ALOXE3: variants seen among roughly 807,000 people sequenced by gnomAD.
The protein encoded by ALOXE3 is hydroperoxide isomerase ALOXE3.
Under a neutral mutation model 87.5 loss-of-function variants are expected in ALOXE3, and 78 were observed. The observed-to-expected ratio is 0.89, with a 90% CI of 0.74 to 1.08. ALOXE3 has a LOEUF of 1.08. Ranked by LOEUF, ALOXE3 falls within the 50% of genes least tolerant of loss-of-function variation. The probability of loss-of-function intolerance (pLI) is 0.00; values close to 1 mark genes in which losing one functional copy is unlikely to be tolerated. For synonymous variants in ALOXE3, 363 were observed against 370.8 expected, an observed-to-expected ratio of 0.98 and a Z score of 0.24; for missense variants, 946 against 912.4, an observed-to-expected ratio of 1.04 and a Z score of -0.47.
At position 8,098,234 on chromosome 17, in the gene ALOXE3, G is replaced by GTTTTT. The variant is rs71159546; in HGVS notation, c.1957-1433_1957-1429dup. On this transcript the variant is annotated intron_variant, in intron 15 of 15. Transcript: ENST00000448843. ...TTTTTGAAATATACTTTTGGTTTTT[G>GTTTTT]TTTTTTTTTTTTTTTTTTTTTTGAG... 9.1e-3 allele frequency among the ~76,000 whole-genome samples: 800 copies of GTTTTT among 87,436 alleles called. 39 individuals are homozygous for GTTTTT. The highest frequency in any genetic ancestry group is 0.021 in the East Asian group (54 of 2,596). The allele number at this position is 87,436 out of a possible 152,430, so 57.4% of individuals were successfully genotyped here.
At chr17:8,113,383 TGGCTCAC>T (rs1368892937) in intron 6 of ALOXE3, among the ~76,000 whole-genome samples, 2 of 152,232 alleles carry the variant, frequency 1.3e-5, no homozygotes, top group African/African-American at 4.8e-5. Flanking sequence ...CCAGATGCGG[TGGCTCAC>T]GCCTATAATC....
In ALOXE3 at chr17:8,111,437, C is replaced by T. The variant is rs1980077819; in HGVS notation, c.879G>A (p.Leu293=). 6.2e-7 allele frequency: 1 copy of T among 1,614,032 alleles called. No homozygotes were observed. Among genetic ancestry groups the T allele is most frequent in the African/African-American group, 1.3e-5 (1 of 74,934 alleles). The part of the protein sequence containing the change: ...NPVMLHCISS[L]PSKLPVTNDM... ...CATTGGTGACAGGCAGCTTGCTGGG[C>T]AAGCTAGAGATGCAGTGGAGCATGA... Residue 293 remains leucine (L), a synonymous_variant, in exon 8 of 16, where the codon TTG becomes TTA. Transcript: ENST00000448843.
Position 8,110,446 on chromosome 17 carries a change from G to T in ALOXE3, c.1040C>A (p.Ala347Asp). The T allele has an allele frequency of 6.2e-7, 1 of 1,613,248 alleles. No homozygotes were observed. The highest frequency in any genetic ancestry group is 8.5e-7 in the Non-Finnish European group (1 of 1,179,608). Residue 347 changes from alanine (A) to aspartate (D), a missense_variant, in exon 9 of 16, where the codon GCC (alanine) becomes GAC (aspartate). By Grantham distance (126) the Ala-to-Asp change is moderately radical. Coordinates refer to ENST00000448843, the MANE Select transcript of ALOXE3 (RefSeq NM_021628.3). ...GAGCCACAGCAGGCACAGTGGGGCG[G>T]CCACGTACTGCTGGCGGCCGTTTAG... The part of the protein sequence containing the change: ...HCLNGRQQYV[A>D]APLCLLWLSP...
At position 8,096,106 on chromosome 17, in the gene ALOXE3, C is replaced by T. The variant is rs748384249; in HGVS notation, c.*521G>A. 2.6e-4 allele frequency: 40 copies of T among 155,002 alleles called. No individual in the cohort carries two copies. Among genetic ancestry groups the T allele is most frequent in the Non-Finnish European group, 5.4e-4 (38 of 69,914 alleles). 9.6% of individuals were successfully genotyped at this position (155,002 alleles called of 1,614,324 possible). ...AAGCTGCCCTCCAATTCTTCCCCTC[C>T]CCTTAAAGGTGCTAGGGACAAAGGG... is the stretch of plus-strand genomic sequence containing the variant. On this transcript the variant is annotated 3_prime_UTR_variant, in exon 16 of 16. Transcript: ENST00000448843.
At chr17:8,106,896 T>C (rs901040475) in intron 13 of ALOXE3, among the ~76,000 whole-genome samples, 6 of 152,098 alleles carry the variant, frequency 3.9e-5, no homozygotes, top group African/African-American at 1.5e-4. Flanking sequence ...TAAAGTAAGA[T>C]AGGAGAGTTG....
At chr17:8,112,264 C>T in intron 6 of ALOXE3, 68 bp from the exon 7 acceptor site, 2 of 1,188,414 alleles carry the variant, frequency 1.7e-6, no homozygotes, top group Admixed American at 3.4e-5. Flanking sequence ...ACTGTGTGCC[C>T]CTCTGCCTGG....
chr17:8,118,676 C>T, upstream of ALOXE3: 2 of 1,537,334 alleles, frequency 1.3e-6, no homozygotes, highest in Non-Finnish European at 1.7e-6. Flanking sequence ...TCTTTGTCCC[C>T]AGCCTTTGGC....
At chr17:8,112,062 G>C in intron 7 of ALOXE3, 31 bp downstream of exon 7, 1 of 1,571,228 alleles carries the variant, frequency 6.4e-7, no homozygotes. Context: ...ATAAGGTGAG[G>C]GGTAGACATC....
chr17:8,108,655 G>A lies in ALOXE3; in HGVS notation c.1563-66C>T, dbSNP rs1041470015. 3.5e-5 allele frequency: 55 copies of A among 1,586,716 alleles called. No individual in the cohort carries two copies. In the South Asian group the frequency reaches 5.8e-4, roughly 17 times the overall value. ...GCTCAGTCCTGGCCAGGAAACCGAG[G>A]CCCACTGCTGCTCAGGCGGCAGAGA... On this transcript the variant is annotated intron_variant, in intron 12 of 15. Coordinates refer to ENST00000448843, the MANE Select transcript of ALOXE3 (RefSeq NM_021628.3).
chr17:8,111,979 A>T, intron 7 of ALOXE3, 114 bp downstream of exon 7: 1 of 984,760 alleles, frequency 1.0e-6, no homozygotes, highest in Non-Finnish European at 1.6e-6. Flanking sequence ...TCCCACTCAA[A>T]TCCAGCAGTC....
intron 13 of ALOXE3, among the ~76,000 whole-genome samples, chr17:8,105,459 C>G (rs1979228817): frequency 6.6e-6 from 1 of 152,178 alleles, no homozygotes; most frequent in South Asian, 2.1e-4. Flanking sequence ...CAGTTTTCCT[C>G]TTAGCATTCA....
chr17:8,096,071 G>C lies in ALOXE3; in HGVS notation c.*556C>G, dbSNP rs1978524615. The C allele has an allele frequency of 6.5e-6, 1 of 154,338 alleles. No individual in the cohort carries two copies. Among genetic ancestry groups the C allele is most frequent in the Non-Finnish European group, 1.4e-5 (1 of 69,514 alleles). 9.6% of individuals were successfully genotyped at this position (154,338 alleles called of 1,614,324 possible). A position where few individuals can be genotyped will look rare whatever the true frequency, so the allele number is the denominator to read the frequency against. ...ACCTGTTCCTGAGAACAGCCGTTAG[G>C]GGTCCAGGCAAGCTGCCCTCCAATT... On this transcript the variant is annotated 3_prime_UTR_variant, in exon 16 of 16. Coordinates refer to ENST00000448843, the MANE Select transcript of ALOXE3 (RefSeq NM_021628.3).
chr17:8,111,375 A>G lies in ALOXE3; in HGVS notation c.941T>C (p.Leu314Pro). Reference protein sequence around the residue: ...VAPLLGQDTCLQTELERGNIF... With the variant: ...VAPLLGQDTCPQTELERGNIF... ...CTTACCCACCTCTAGCTCTGTCTGC[A>G]GGCATGTGTCCTGTCCCAGCAAGGG... Residue 314 changes from leucine to proline, a missense_variant, in exon 8 of 16, where the codon CTG becomes CCG. Leu to Pro is a moderately conservative substitution (Grantham distance 98). Coordinates refer to ENST00000448843, the MANE Select transcript of ALOXE3 (RefSeq NM_021628.3). 6.2e-7 allele frequency: 1 copy of G among 1,613,404 alleles called. No individual in the cohort carries two copies. The highest frequency in any genetic ancestry group is 8.5e-7 in the Non-Finnish European group (1 of 1,180,018).
chr17:8,100,103 G>A (rs1385961756), intron 15 of ALOXE3, among the ~76,000 whole-genome samples: 1 of 137,450 alleles, frequency 7.3e-6, no homozygotes, highest in East Asian at 2.5e-4. Flanking sequence ...TCAAAAGAGA[G>A]AAAGAGAGAG....
chr17:8,101,219 G>C (rs1424498436), intron 15 of ALOXE3, among the ~76,000 whole-genome samples: 1 of 151,948 alleles, frequency 6.6e-6, no homozygotes, highest in Non-Finnish European at 1.5e-5. Context: ...TAGAGATGGG[G>C]GTTTCACCAT....
intron 5 of ALOXE3, 32 bp from the exon 6 acceptor site, chr17:8,114,641 C>A (rs751123844): frequency 1.9e-6 from 3 of 1,613,288 alleles, no homozygotes; most frequent in African/African-American, 1.3e-5. Flanking sequence ...AGACAGAAAC[C>A]AGTCAGTGGG....
At position 8,116,992 on chromosome 17, in the gene ALOXE3, A is replaced by C. The variant is rs745612077; in HGVS notation, c.148-12T>G. On this transcript the variant is annotated splice_polypyrimidine_tract_variant and intron_variant, in intron 2 of 15. Coordinates refer to ENST00000448843, the MANE Select transcript of ALOXE3 (RefSeq NM_021628.3). The stretch of plus-strand genomic sequence containing the variant: ...TTGTACTTCTGTACCTGAGGGGACC[A>C]AGACAGCAAGCAGGTGAGAGGCGGG... 149 of 1,612,138 alleles carry C rather than the reference A, an allele frequency of 9.2e-5. 1 individual carries two copies. The Admixed American group carries it at 2.3e-3, about 25-fold the overall frequency.
At position 8,103,474 on chromosome 17, in the gene ALOXE3, A is replaced by C; in HGVS notation, c.1805T>G (p.Met602Arg). The change falls in exon 15 of 16, where the codon ATG (methionine) becomes AGG (arginine). Residue 602 changes from methionine (M) to arginine (R), a missense_variant. Met to Arg is a moderately conservative substitution (Grantham distance 91, BLOSUM62 -1). Transcript: ENST00000448843. ...NSGQHDFGAW[M>R]PNAPSSMRQP... ...CCTCATGGATGATGGAGCATTGGGC[A>C]TCCAGGCCCCAAAGTCATGCTGTGG... 1 of 1,614,096 alleles carries C rather than the reference A, an allele frequency of 6.2e-7. No homozygotes were observed. The highest frequency in any genetic ancestry group is 1.1e-5 in the South Asian group (1 of 91,084).
chr17:8,118,203 T>C lies in ALOXE3; in HGVS notation c.-213A>G, dbSNP rs924980014. 5 of 1,551,460 alleles carry C rather than the reference T, an allele frequency of 3.2e-6. No homozygotes were observed. In the African/African-American group the frequency reaches 6.8e-5, roughly 21 times the overall value. On this transcript the variant is annotated 5_prime_UTR_variant, in exon 2 of 16. Coordinates refer to ENST00000448843, the MANE Select transcript of ALOXE3 (RefSeq NM_021628.3). ...CTGCTGGCGGCTCGGGCTTCCTCTC[T>C]CCGCCCACAGTCTTGCACTCTAATA...
Sources: gnomAD v4.1 joint callset for allele counts (sites outside exome capture counted in the v4.1 genomes callset) on GRCh38, gnomAD v4.1.1 for gene constraint, MANE v1.5 for transcripts, NCBI Gene and HGNC (gene_info 2026-07-23, HGNC 2026-07-21) for gene names.